The following ADCY8 variants were observed in gnomAD, a reference collection of about 807,000 sequenced individuals.
ADCY8 encodes the protein adenylate cyclase 8.
ADCY8 carries 51 observed loss-of-function variants against 119.7 expected under a neutral mutation model. The ratio of observed to expected loss-of-function variants is 0.43; its 90% CI spans 0.34 to 0.54. The LOEUF (loss-of-function observed/expected upper bound fraction) is 0.54, where lower values mean the gene tolerates loss of function less well. ADCY8 is among the 20% of genes least tolerant of loss of function. The pLI, the probability that ADCY8 is intolerant of heterozygous loss-of-function variation, is 0.03. For synonymous variants in ADCY8, 665 were observed against 651.0 expected (o/e 1.02, Z -0.33); for missense variants, 1,383 against 1,598.8 (o/e 0.87, Z 2.30).
intron 8 of ADCY8, among the ~76,000 whole-genome samples, chr8:130,869,452 A>C (rs749967868): frequency 6.6e-6 from 1 of 151,212 alleles, no homozygotes; most frequent in Non-Finnish European, 1.5e-5. Context: ...CTAACAACCA[A>C]TTACAGAGGA....
At chr8:130,836,486 G>A (rs1270949881) in intron 11 of ADCY8, 37 bp from the exon 12 acceptor site, 2 of 1,598,964 alleles carry the variant, frequency 1.3e-6, no homozygotes, top group Non-Finnish European at 1.7e-6. Flanking sequence ...GATTCAATGG[G>A]GGCAGCAGTT....
chr8:130,977,402 G>A lies in ADCY8; in HGVS notation c.1110+12991C>T, dbSNP rs890214078. Among the ~76,000 whole-genome samples, 5 of 152,168 alleles carry A rather than the reference G, an allele frequency of 3.3e-5. No homozygotes were observed. The South Asian group carries it at 6.2e-4, about 19-fold the overall frequency. ...TTGTTTTTTGAATCATCCATAAGGT[G>A]TAATCCAACCTTCTTTGCTTTTTTC... On this transcript the variant is annotated intron_variant, in intron 2 of 17. Coordinates refer to ENST00000286355, the MANE Select transcript of ADCY8 (RefSeq NM_001115.3).
At chr8:130,969,936 C>T (rs1056445213) in intron 2 of ADCY8, among the ~76,000 whole-genome samples, 1 of 152,156 alleles carries the variant, frequency 6.6e-6, no homozygotes, top group African/African-American at 2.4e-5. Flanking sequence ...GTGTCTTTTC[C>T]TCTTAATTTT....
At chr8:130,923,973 T>G (rs1438350665) in intron 5 of ADCY8, among the ~76,000 whole-genome samples, 1 of 152,234 alleles carries the variant, frequency 6.6e-6, no homozygotes, top group African/African-American at 2.4e-5. Context: ...TCAGTTCTGC[T>G]AAAGTATTAG....
intron 12 of ADCY8, among the ~76,000 whole-genome samples, chr8:130,833,213 A>G (rs555527842): frequency 1.3e-5 from 2 of 152,350 alleles, no homozygotes; most frequent in South Asian, 4.1e-4. Flanking sequence ...GTACTTAAAA[A>G]GTGGACTTTG....
intron 2 of ADCY8, among the ~76,000 whole-genome samples, chr8:130,987,996 T>A (rs1273383368): frequency 6.6e-6 from 1 of 152,228 alleles, no homozygotes; most frequent in Non-Finnish European, 1.5e-5. Flanking sequence ...TGCAAGGGCA[T>A]CTCACACAAA....
At chr8:131,002,187 T>C (rs932274049) in intron 1 of ADCY8, among the ~76,000 whole-genome samples, 25 of 152,240 alleles carry the variant, frequency 1.6e-4, no homozygotes, top group African/African-American at 3.6e-4. Context: ...AAATGTTGGA[T>C]AATCAATGAA....
chr8:131,006,763 G>C (rs1380500730), intron 1 of ADCY8, among the ~76,000 whole-genome samples: 1 of 152,132 alleles, frequency 6.6e-6, no homozygotes, highest in African/African-American at 2.4e-5. Flanking sequence ...ATCCTGTTTA[G>C]ATCTCCATGA....
chr8:130,984,398 T>C (rs937390948), intron 2 of ADCY8, among the ~76,000 whole-genome samples: 2 of 151,952 alleles, frequency 1.3e-5, no homozygotes, highest in Non-Finnish European at 2.9e-5. Flanking sequence ...CATCTCAACA[T>C]CAGCTAGAGA....
chr8:131,033,863 G>A (rs143326112), intron 1 of ADCY8, among the ~76,000 whole-genome samples: 2,097 of 152,088 alleles, frequency 0.014, 33 homozygotes, highest in African/African-American at 0.029. Context: ...TTACAAGTAA[G>A]AGAGAATAAT....
At chr8:130,794,320 C>G (rs1471941304) in intron 15 of ADCY8, among the ~76,000 whole-genome samples, 3 of 152,212 alleles carry the variant, frequency 2.0e-5, no homozygotes, top group Non-Finnish European at 4.4e-5. Flanking sequence ...TCTCGGCTCA[C>G]TGCAACCTCC....
At chr8:130,900,304 A>T (rs1819552740) in intron 7 of ADCY8, among the ~76,000 whole-genome samples, 1 of 152,164 alleles carries the variant, frequency 6.6e-6, no homozygotes, top group African/African-American at 2.4e-5. Flanking sequence ...AAACTGGAAG[A>T]CTCACATAAG....
intron 1 of ADCY8, among the ~76,000 whole-genome samples, chr8:131,020,226 A>G (rs1190568461): frequency 6.6e-6 from 1 of 152,184 alleles, no homozygotes; most frequent in Non-Finnish European, 1.5e-5. Flanking sequence ...CTAAGCCATC[A>G]TCATAAAAAA....
chr8:130,912,860 T>TA (rs1306248630), intron 5 of ADCY8, among the ~76,000 whole-genome samples: 3 of 151,972 alleles, frequency 2.0e-5, no homozygotes, highest in African/African-American at 2.4e-5. Context: ...AGGAGCCATT[T>TA]AAAAAAAATT....
intron 5 of ADCY8, among the ~76,000 whole-genome samples, chr8:130,933,066 A>G (rs1354020792): frequency 6.6e-6 from 1 of 152,180 alleles, no homozygotes. Context: ...GATTGATGGT[A>G]TCCTAACTTT....
chr8:130,942,611 A>G (rs1563738228), intron 4 of ADCY8, among the ~76,000 whole-genome samples: 1 of 152,078 alleles, frequency 6.6e-6, no homozygotes, highest in Non-Finnish European at 1.5e-5. Context: ...CTAAAAATGA[A>G]CTCCCACCGA....
intron 12 of ADCY8, among the ~76,000 whole-genome samples, chr8:130,823,844 T>A (rs1021748040): frequency 2.0e-4 from 31 of 152,192 alleles, no homozygotes; most frequent in Admixed American, 1.9e-3. Flanking sequence ...AAAAGTATGT[T>A]TACAAATTTA....
chr8:130,925,205 CAAAAACAAAACA>C (rs1265899542), intron 5 of ADCY8, among the ~76,000 whole-genome samples: 2 of 151,912 alleles, frequency 1.3e-5, no homozygotes, highest in Admixed American at 6.6e-5. Context: ...GACTCTGTCT[CAAAAACAAAACA>C]AAAAACAAAA....
chr8:130,789,170 T>C (rs1295776896), intron 15 of ADCY8, among the ~76,000 whole-genome samples: 1 of 152,220 alleles, frequency 6.6e-6, no homozygotes, highest in Non-Finnish European at 1.5e-5. Context: ...ATGCAGGTTT[T>C]TGAATCAACT....
Sources: gnomAD v4.1 joint callset for allele counts (sites outside exome capture counted in the v4.1 genomes callset) on GRCh38, gnomAD v4.1.1 for gene constraint, MANE v1.5 for transcripts, NCBI Gene and HGNC (gene_info 2026-07-23, HGNC 2026-07-21) for gene names.